Variants in TAFA5 observed in about 807,000 individuals in gnomAD.
The protein encoded by TAFA5 is chemokine-like protein TAFA-5.
Under a neutral mutation model 15.3 loss-of-function variants are expected in TAFA5, and 6 were observed. That is an observed-to-expected ratio of 0.39 (90% CI 0.21 to 0.77). The LOEUF (loss-of-function observed/expected upper bound fraction) is 0.77. Ranked by LOEUF, TAFA5 falls within the 30% of genes least tolerant of loss-of-function variation. TAFA5 has a pLI of 0.41. For missense variants in TAFA5, 161 were observed against 193.1 expected, an observed-to-expected ratio of 0.83 and a Z score of 0.98; for synonymous variants, 103 against 80.7, an observed-to-expected ratio of 1.28 and a Z score of -1.48.
intron 1 of TAFA5, among the ~76,000 whole-genome samples, chr22:48,513,318 G>A (rs546592566): frequency 2.9e-4 from 44 of 152,300 alleles, no homozygotes; most frequent in African/African-American, 9.4e-4. Flanking sequence ...ACATCGAAGC[G>A]TTTTGTTACA....
intron 2 of TAFA5, among the ~76,000 whole-genome samples, chr22:48,661,950 G>A (rs1037246358): frequency 1.4e-5 from 2 of 138,042 alleles, no homozygotes; most frequent in African/African-American, 2.8e-5. Context: ...GATGGTGACT[G>A]GGGGCTCATT....
At chr22:48,717,634 TG>T (rs1929442130) in intron 3 of TAFA5, among the ~76,000 whole-genome samples, 1 of 152,228 alleles carries the variant, frequency 6.6e-6, no homozygotes. Flanking sequence ...CCAGATCCAT[TG>T]CCCACGTATT....
Position 48,646,601 on chromosome 22 carries a change from G to C in TAFA5, c.117G>C (p.Gln39His). The change falls in exon 2 of 4, where the codon CAG (glutamine) becomes CAC (histidine). Residue 39 changes from glutamine to histidine, a missense_variant. Gln to His is a conservative substitution (Grantham distance 24). Coordinates refer to ENST00000402357, the MANE Select transcript of TAFA5 (RefSeq NM_001082967.3). ...CGCTTCTGCTCCTCTCTGCAGGTCA[G>C]CTGGCCGCCGGCACCTGTGAGATTG... ...LASLLIAYCS[Q>H]LAAGTCEIVT... 1.9e-6 allele frequency: 3 copies of C among 1,612,384 alleles called. No homozygotes were observed. Among genetic ancestry groups the C allele is most frequent in the Non-Finnish European group, 2.5e-6 (3 of 1,179,666 alleles).
rs918636813 is a variant in TAFA5 at position 48,552,639 on chromosome 22, G to T, written c.112+62935G>T. Among the ~76,000 whole-genome samples, 5 of 152,164 alleles carry T rather than the reference G, an allele frequency of 3.3e-5. No individual in the cohort carries two copies. Among genetic ancestry groups the T allele is most frequent in the African/African-American group, 1.2e-4 (5 of 41,442 alleles). Reference sequence around the variant, plus strand: ...GCTCGGAGTTGCGGGCAGGGTGGGAGACCCCTTCCAGAGGGGCCCCTGTAG... The same window carrying T: ...GCTCGGAGTTGCGGGCAGGGTGGGATACCCCTTCCAGAGGGGCCCCTGTAG... On this transcript the variant is annotated intron_variant, in intron 1 of 3. Transcript: ENST00000402357. The surrounding 1 kb of genome is among the most constrained non-coding windows in gnomAD (Gnocchi z 4.1).
At chr22:48,619,902 C>T (rs1418585691) in intron 1 of TAFA5, among the ~76,000 whole-genome samples, 1 of 152,228 alleles carries the variant, frequency 6.6e-6, no homozygotes, top group Non-Finnish European at 1.5e-5. Context: ...TCCTGCGCTC[C>T]CTGAAAGTTG....
intron 3 of TAFA5, among the ~76,000 whole-genome samples, chr22:48,741,786 G>A (rs999708236): frequency 2.6e-5 from 4 of 152,314 alleles, no homozygotes; most frequent in Admixed American, 6.5e-5. Flanking sequence ...TGCAGACAGC[G>A]AATGTCCTTT....
At chr22:48,568,557 T>A (rs1923480484) in intron 1 of TAFA5, among the ~76,000 whole-genome samples, 1 of 152,214 alleles carries the variant, frequency 6.6e-6, no homozygotes, top group Non-Finnish European at 1.5e-5. Flanking sequence ...TATGGCCTCT[T>A]CCACACATGC....
chr22:48,612,018 G>A (rs1925426477), intron 1 of TAFA5, among the ~76,000 whole-genome samples: 1 of 152,182 alleles, frequency 6.6e-6, no homozygotes, highest in Non-Finnish European at 1.5e-5. Context: ...TATAATGAAA[G>A]GTTGCCTCTG....
chr22:48,619,974 G>C (rs1289744782), intron 1 of TAFA5, among the ~76,000 whole-genome samples: 1 of 152,252 alleles, frequency 6.6e-6, no homozygotes, highest in Non-Finnish European at 1.5e-5. Context: ...GCTGTGACAT[G>C]TGGGTTGGAG....
chr22:48,675,458 A>T (rs1007279800), intron 2 of TAFA5, among the ~76,000 whole-genome samples: 1 of 152,244 alleles, frequency 6.6e-6, no homozygotes, highest in Non-Finnish European at 1.5e-5. Flanking sequence ...CCCGGCCCAT[A>T]CACCCACTTG....
chr22:48,674,434 T>A (rs1927903702), intron 2 of TAFA5, among the ~76,000 whole-genome samples: 1 of 152,226 alleles, frequency 6.6e-6, no homozygotes, highest in Admixed American at 6.5e-5. Flanking sequence ...TCTTCCTGCC[T>A]CTGGAACGGG....
At position 48,490,820 on chromosome 22, in the gene TAFA5, G is replaced by A. The variant is rs1928126266; in HGVS notation, c.112+1116G>A. ...GGCCAGCACCGAACCTCCCTCCACA[G>A]ACACCACCTCCTCCAGAGCCCCGGG... On this transcript the variant is annotated intron_variant, in intron 1 of 3. Transcript: ENST00000402357. The surrounding 1 kb of genome is among the most constrained non-coding windows in gnomAD (Gnocchi z 5.8). Among the ~76,000 whole-genome samples the A allele has an allele frequency of 9.1e-6, 1 of 110,128 alleles. No individual in the cohort carries two copies. Among genetic ancestry groups the A allele is most frequent in the Admixed American group, 8.0e-5 (1 of 12,494 alleles). The allele number at this position is 110,128 out of a possible 152,430, so 72.2% of individuals were successfully genotyped here.
intron 3 of TAFA5, among the ~76,000 whole-genome samples, chr22:48,717,374 A>T (rs1168463727): frequency 1.3e-5 from 2 of 152,116 alleles, no homozygotes; most frequent in African/African-American, 4.8e-5. Context: ...TGCACATCCC[A>T]GGAGGAGCCC....
chr22:48,694,252 G>A (rs1269537697), intron 2 of TAFA5, among the ~76,000 whole-genome samples: 1 of 152,234 alleles, frequency 6.6e-6, no homozygotes, highest in Non-Finnish European at 1.5e-5. Context: ...CAGCAGGGCG[G>A]CCCTGACAGT....
intron 1 of TAFA5, among the ~76,000 whole-genome samples, chr22:48,592,824 C>T (rs949125666): frequency 3.3e-5 from 5 of 152,144 alleles, no homozygotes; most frequent in South Asian, 2.1e-4. Flanking sequence ...GATGCAGGTG[C>T]GGGGAGCATT....
chr22:48,573,354 A>G (rs1417542070), intron 1 of TAFA5, among the ~76,000 whole-genome samples: 1 of 152,122 alleles, frequency 6.6e-6, no homozygotes, highest in African/African-American at 2.4e-5. Context: ...TTGATTCCCA[A>G]CACAGTAATG....
intron 1 of TAFA5, among the ~76,000 whole-genome samples, chr22:48,557,214 A>T (rs1601577623): frequency 6.6e-6 from 1 of 152,150 alleles, no homozygotes; most frequent in South Asian, 2.1e-4. Flanking sequence ...CAGGTTCTTT[A>T]AAGAGGTGAT....
intron 1 of TAFA5, among the ~76,000 whole-genome samples, chr22:48,600,029 G>C (rs1380028576): frequency 6.6e-6 from 1 of 152,186 alleles, no homozygotes; most frequent in East Asian, 1.9e-4. Flanking sequence ...CCTGGGCTGG[G>C]CTGGTCTTGT....
chr22:48,622,769 G>A (rs565937701), intron 1 of TAFA5, among the ~76,000 whole-genome samples: 21 of 152,324 alleles, frequency 1.4e-4, no homozygotes, highest in African/African-American at 4.1e-4. Flanking sequence ...TTGTGTGGCC[G>A]CCTCTGCCAG....
Sources: allele counts gnomAD v4.1 joint callset (sites outside exome capture counted in the v4.1 genomes callset), GRCh38; gene constraint gnomAD v4.1.1; non-coding constraint Gnocchi (gnomAD v3.1); transcripts MANE v1.5; gene names NCBI Gene and HGNC (gene_info 2026-07-23, HGNC 2026-07-21).